The following MCPH1 variants were observed in gnomAD, a reference collection of about 807,000 sequenced individuals.
The protein encoded by MCPH1 is microcephalin.
In MCPH1, 104 loss-of-function variants were observed where a neutral mutation model predicts 84.5. The observed-to-expected ratio is 1.23, with a 90% CI of 1.05 to 1.45. The LOEUF (loss-of-function observed/expected upper bound fraction) is 1.45. Ranked by LOEUF, MCPH1 falls within the 40% of genes most tolerant of loss-of-function variation. The probability of loss-of-function intolerance (pLI) is 0.00; values close to 1 mark genes in which losing one functional copy is unlikely to be tolerated. For missense variants in MCPH1, 1,498 were observed against 1,005.7 expected, an observed-to-expected ratio of 1.49 and a Z score of -6.62; for synonymous variants, 514 against 366.8, an observed-to-expected ratio of 1.40 and a Z score of -4.58.
At chr8:6,609,444 C>G (rs998124413) in intron 12 of MCPH1, among the ~76,000 whole-genome samples, 6 of 152,178 alleles carry the variant, frequency 3.9e-5, no homozygotes, top group Admixed American at 2.6e-4. Flanking sequence ...GTTCCCATCA[C>G]TTATGTAGCC....
At chr8:6,508,261 C>G (rs1029624446) in intron 12 of MCPH1, 1 of 152,394 alleles carries the variant, frequency 6.6e-6, no homozygotes, top group African/African-American at 2.4e-5. Context: ...ACCAGCCTGG[C>G]AAACATGGTG....
At chr8:6,489,348 A>T (rs1265648413) in intron 11 of MCPH1, among the ~76,000 whole-genome samples, 1 of 152,022 alleles carries the variant, frequency 6.6e-6, no homozygotes, top group Non-Finnish European at 1.5e-5. Context: ...ACGGCTAGCT[A>T]GCAACCTGGG....
At chr8:6,439,130 A>C (rs753781558) in intron 6 of MCPH1, 34 bp downstream of exon 6, 1 of 1,598,858 alleles carries the variant, frequency 6.3e-7, no homozygotes, top group Admixed American at 1.7e-5. Context: ...AAAATTATGC[A>C]AATAGCCGAT....
chr8:6,466,218 C>G (rs761232760), intron 9 of MCPH1, among the ~76,000 whole-genome samples: 30 of 150,020 alleles, frequency 2.0e-4, no homozygotes, highest in Non-Finnish European at 3.5e-4. Flanking sequence ...CTCATTGCAA[C>G]CTCCGCTTCC....
chr8:6,584,019 G>C (rs534651919), intron 12 of MCPH1, among the ~76,000 whole-genome samples: 6 of 152,020 alleles, frequency 3.9e-5, no homozygotes, highest in African/African-American at 1.2e-4. Context: ...TCTGACGCAC[G>C]CATGGGTTTT....
At chr8:6,491,054 T>C (rs1810511613) in intron 11 of MCPH1, among the ~76,000 whole-genome samples, 1 of 105,766 alleles carries the variant, frequency 9.5e-6, no homozygotes. Flanking sequence ...AAAATAAAAT[T>C]TATCAAAAAA....
chr8:6,489,340 G>C (rs549922322), intron 11 of MCPH1, among the ~76,000 whole-genome samples: 43 of 152,094 alleles, frequency 2.8e-4, no homozygotes, highest in African/African-American at 1.0e-3. Context: ...ACCCGGGAAC[G>C]GCTAGCTAGC....
At chr8:6,539,194 G>GA (rs1174556975) in intron 12 of MCPH1, among the ~76,000 whole-genome samples, 5 of 152,224 alleles carry the variant, frequency 3.3e-5, no homozygotes, top group African/African-American at 1.2e-4. Context: ...AGCCTGGGGG[G>GA]TAGGCACAGT....
intron 12 of MCPH1, among the ~76,000 whole-genome samples, chr8:6,536,730 C>G (rs908330405): frequency 2.0e-5 from 3 of 152,092 alleles, no homozygotes; most frequent in Non-Finnish European, 4.4e-5. Context: ...CACCACGTAT[C>G]AAGGATAATG....
intron 12 of MCPH1, among the ~76,000 whole-genome samples, chr8:6,567,878 T>C (rs1232339558): frequency 2.0e-5 from 3 of 152,216 alleles, no homozygotes; most frequent in Non-Finnish European, 4.4e-5. Context: ...AGAAACATTA[T>C]TACAGGTTCC....
chr8:6,548,309 G>A (rs539411260), intron 12 of MCPH1, among the ~76,000 whole-genome samples: 4 of 152,188 alleles, frequency 2.6e-5, no homozygotes, highest in East Asian at 1.9e-4. Flanking sequence ...CTACTCGTGC[G>A]TCACTTCCCA....
intron 2 of MCPH1, among the ~76,000 whole-genome samples, chr8:6,413,105 T>G (rs1000186923): frequency 2.0e-5 from 3 of 152,224 alleles, no homozygotes; most frequent in Admixed American, 6.5e-5. Context: ...AGGTAAAATT[T>G]TTGACACCAT....
chr8:6,407,588 T>G (rs568638220), intron 1 of MCPH1, among the ~76,000 whole-genome samples: 59 of 152,334 alleles, frequency 3.9e-4, no homozygotes, highest in African/African-American at 1.4e-3. Flanking sequence ...CCTGGAGTCA[T>G]AAAACCTCAT....
chr8:6,463,070 A>G (rs1296731726), intron 9 of MCPH1, among the ~76,000 whole-genome samples: 1 of 152,184 alleles, frequency 6.6e-6, no homozygotes, highest in Non-Finnish European at 1.5e-5. Context: ...GCCAAAATAG[A>G]GTCTTGGGCA....
chr8:6,625,217 A>C (rs565737629), intron 13 of MCPH1: 10 of 985,298 alleles, frequency 1.0e-5, no homozygotes, highest in Admixed American at 6.1e-5. Flanking sequence ...TTCATGTATA[A>C]AACAGAGTCA....
Position 6,623,688 on chromosome 8 carries a change from CAAAA to C in MCPH1, c.2452+2024_2452+2027del, listed in dbSNP as rs377522481. ...CATCTTTTGCCTGGAAACCAACTTC[CAAAA>C]AAAAAAAAAAAAAAAAAAAAAAAAA... On this transcript the variant is annotated intron_variant, in intron 13 of 13. Transcript: ENST00000344683. 9.0e-3 allele frequency among the ~76,000 whole-genome samples: 834 copies of C among 92,268 alleles called. 26 individuals are homozygous for C. The highest frequency in any genetic ancestry group is 0.036 in the African/African-American group (769 of 21,646). The allele number at this position is 92,268 out of a possible 152,430, so 60.5% of individuals were successfully genotyped here.
Position 6,572,569 on chromosome 8 carries a change from A to G in MCPH1, c.2215-48885A>G, listed in dbSNP as rs553042237. ...AATGCAAAAGCACATCACACCATAT[A>G]CAGATGTTAAAGACCGACGTGCACA... On this transcript the variant is annotated intron_variant, in intron 12 of 13. Transcript: ENST00000344683. Among the ~76,000 whole-genome samples, 3 of 152,346 alleles carry G rather than the reference A, an allele frequency of 2.0e-5. No homozygotes were observed. The East Asian group carries it at 5.8e-4, about 29-fold the overall frequency.
intron 9 of MCPH1, among the ~76,000 whole-genome samples, chr8:6,471,747 C>G (rs1451338470): frequency 1.3e-5 from 2 of 152,172 alleles, no homozygotes; most frequent in Non-Finnish European, 2.9e-5. Context: ...ATTATTTAGA[C>G]AATGCCATAA....
intron 12 of MCPH1, among the ~76,000 whole-genome samples, chr8:6,552,315 G>T (rs540108656): frequency 6.6e-6 from 1 of 152,186 alleles, no homozygotes; most frequent in Non-Finnish European, 1.5e-5. Flanking sequence ...CCATATTCAC[G>T]CAGTCACAGC....
Sources: allele counts gnomAD v4.1 joint callset (sites outside exome capture counted in the v4.1 genomes callset), GRCh38; gene constraint gnomAD v4.1.1; transcripts MANE v1.5; gene names NCBI Gene and HGNC (gene_info 2026-07-23, HGNC 2026-07-21).